ADGRL2: variants seen among roughly 807,000 people sequenced by gnomAD.
ADGRL2 encodes adhesion G protein-coupled receptor L2.
Under a neutral mutation model 157.4 loss-of-function variants are expected in ADGRL2, and 44 were observed. That is an observed-to-expected ratio of 0.28 (90% confidence interval 0.22 to 0.36). The LOEUF (loss-of-function observed/expected upper bound fraction) is 0.36. Among genes scored for constraint, ADGRL2 ranks in the 10% least tolerant of loss-of-function variants. ADGRL2 has a pLI of 1.00. For missense variants in ADGRL2, 1,510 were observed against 1,768.9 expected (o/e 0.85, Z 2.63); for synonymous variants, 585 against 624.7 (o/e 0.94, Z 0.95).
At chr1:81,423,814 C>A (rs2077166670) in intron 1 of ADGRL2, among the ~76,000 whole-genome samples, 1 of 152,192 alleles carries the variant, frequency 6.6e-6, no homozygotes, top group South Asian at 2.1e-4. Context: ...ATTCAACAAC[C>A]CATGTCATTA....
chr1:81,819,747 G>C (rs1231475406), intron 1 of ADGRL2, among the ~76,000 whole-genome samples: 1 of 151,936 alleles, frequency 6.6e-6, no homozygotes, highest in Non-Finnish European at 1.5e-5. Context: ...GAATACTTTT[G>C]TCATTATTAG....
intron 2 of ADGRL2, among the ~76,000 whole-genome samples, chr1:81,900,373 C>T (rs144470764): frequency 6.6e-6 from 1 of 152,168 alleles, no homozygotes; most frequent in Admixed American, 6.5e-5. Context: ...CCCGCAATCC[C>T]TCCATCTCTT....
chr1:81,489,209 C>T (rs112384801), intron 2 of ADGRL2, among the ~76,000 whole-genome samples: 5 of 150,130 alleles, frequency 3.3e-5, no homozygotes, highest in Middle Eastern at 3.4e-3. Context: ...TGCACTCCAG[C>T]GTGGGTGACA....
At chr1:81,750,027 C>T in intron 1 of ADGRL2, among the ~76,000 whole-genome samples, 1 of 152,142 alleles carries the variant, frequency 6.6e-6, no homozygotes, top group East Asian at 1.9e-4. Context: ...TATGTGAAGT[C>T]TAGTTAGAAT....
upstream of ADGRL2, among the ~76,000 whole-genome samples, chr1:81,696,645 G>C (rs891184523): frequency 6.6e-6 from 1 of 152,072 alleles, no homozygotes; most frequent in African/African-American, 2.4e-5. Context: ...CCAGCTACTC[G>C]GGAGGCTGAG....
At chr1:81,593,640 C>A (rs1314129081) in intron 3 of ADGRL2, among the ~76,000 whole-genome samples, 6 of 152,108 alleles carry the variant, frequency 3.9e-5, no homozygotes, top group South Asian at 2.1e-4. Flanking sequence ...TATTCCTATG[C>A]TTTGAAATAT....
At chr1:81,427,172 C>A in intron 1 of ADGRL2, 2 of 1,008,794 alleles carry the variant, frequency 2.0e-6, no homozygotes, top group Non-Finnish European at 3.2e-6. Flanking sequence ...AGGAAACTTT[C>A]GAGGTGGTGG....
chr1:81,394,626 G>C (rs1201858170), intron 1 of ADGRL2, among the ~76,000 whole-genome samples: 1 of 152,118 alleles, frequency 6.6e-6, no homozygotes, highest in African/African-American at 2.4e-5. Flanking sequence ...TGGGCACTTT[G>C]GTTGATTCCA....
chr1:81,660,967 C>T (rs950135760), intron 3 of ADGRL2, among the ~76,000 whole-genome samples: 1 of 152,128 alleles, frequency 6.6e-6, no homozygotes. Flanking sequence ...TTTCTGAAAT[C>T]GTTAGCAAAT....
At chr1:81,967,620 T>C (rs1037247992) in intron 13 of ADGRL2, among the ~76,000 whole-genome samples, 3 of 152,182 alleles carry the variant, frequency 2.0e-5, no homozygotes, top group Non-Finnish European at 2.9e-5. Flanking sequence ...TTGCTGCTAG[T>C]GTATCTCTTA....
At chr1:81,344,283 G>A (rs1662302206) in intron 1 of ADGRL2, among the ~76,000 whole-genome samples, 1 of 152,100 alleles carries the variant, frequency 6.6e-6, no homozygotes, top group Non-Finnish European at 1.5e-5. Flanking sequence ...GCCATGCTGT[G>A]AGTATTTATA....
intron 2 of ADGRL2, among the ~76,000 whole-genome samples, chr1:81,529,732 A>G (rs1261099549): frequency 6.6e-6 from 1 of 152,244 alleles, no homozygotes; most frequent in East Asian, 1.9e-4. Context: ...TTACACAAAC[A>G]GTGACTCTGA....
intron 1 of ADGRL2, among the ~76,000 whole-genome samples, chr1:81,323,839 C>T (rs567785244): frequency 6.6e-6 from 1 of 151,904 alleles, no homozygotes; most frequent in South Asian, 2.1e-4. Context: ...ATTAAGAGAC[C>T]CTTAAAGTAG....
rs549832266 is a variant in ADGRL2, at chr1:81,967,673, A to T, written c.2350-353A>T. On this transcript the variant is annotated intron_variant, in intron 13 of 23. Coordinates refer to ENST00000686636, the MANE Select transcript of ADGRL2 (RefSeq NM_001366006.2). ...GCCCAAAATAGAACATGGATTTTTA[A>T]AACATTTGGTCCGTATAGAATTTTC... is the stretch of plus-strand genomic sequence containing the variant. 2.6e-5 allele frequency among the ~76,000 whole-genome samples: 4 copies of T among 152,320 alleles called. No individual in the cohort carries two copies. The East Asian group carries it at 7.7e-4, about 29-fold the overall frequency.
chr1:81,936,649 G>GA lies in ADGRL2; in HGVS notation c.288-74dup, dbSNP rs2095314592. The stretch of plus-strand genomic sequence containing the variant: ...GTTTCTGGTTGCTTAAAGAAAATGA[G>GA]AAAAACTTCTATGTTATATTTAAGT... On this transcript the variant is annotated intron_variant, in intron 3 of 23. Coordinates refer to ENST00000686636, the MANE Select transcript of ADGRL2 (RefSeq NM_001366006.2). The GA allele has an allele frequency of 5.0e-6, 4 of 793,064 alleles. No homozygotes were observed. The African/African-American group carries it at 7.1e-5, about 14-fold the overall frequency. 49.1% of individuals were successfully genotyped at this position (793,064 alleles called of 1,614,324 possible).
intron 2 of ADGRL2, among the ~76,000 whole-genome samples, chr1:81,873,772 A>G (rs1005898082): frequency 2.6e-5 from 4 of 152,152 alleles, no homozygotes; most frequent in Admixed American, 1.3e-4. Flanking sequence ...CCCACCCTGC[A>G]TATGGAAATA....
At chr1:81,859,982 T>C (rs1170390074) in intron 2 of ADGRL2, among the ~76,000 whole-genome samples, 1 of 151,920 alleles carries the variant, frequency 6.6e-6, no homozygotes, top group African/African-American at 2.4e-5. Context: ...TTCCAGCATT[T>C]TGGAGGCCGA....
chr1:81,433,049 T>C (rs1011867814), intron 1 of ADGRL2, among the ~76,000 whole-genome samples: 2 of 152,130 alleles, frequency 1.3e-5, no homozygotes, highest in African/African-American at 4.8e-5. Flanking sequence ...CAACTTACTG[T>C]TTAATGCTAT....
At position 81,725,143 on chromosome 1, in the gene ADGRL2, T is replaced by G. The variant is rs533706910; in HGVS notation, c.-143+25335T>G. On this transcript the variant is annotated intron_variant, in intron 1 of 20. Transcript: ENST00000359929. ...TTGCTTGAACCCGGGAGGTGGAGGT[T>G]GCAGTGAGCCGAGACTGTGCCACTG... is the stretch of plus-strand genomic sequence containing the variant. 5.5e-5 allele frequency among the ~76,000 whole-genome samples: 8 copies of G among 144,634 alleles called. No homozygotes were observed. In the South Asian group the frequency reaches 1.7e-3, roughly 32 times the overall value. 94.9% of individuals were successfully genotyped at this position (144,634 alleles called of 152,430 possible). A position where few individuals can be genotyped will look rare whatever the true frequency, so the allele number is the denominator to read the frequency against.
Sources: allele counts gnomAD v4.1 joint callset (sites outside exome capture counted in the v4.1 genomes callset), GRCh38; gene constraint gnomAD v4.1.1; transcripts MANE v1.5; gene names NCBI Gene and HGNC (gene_info 2026-07-23, HGNC 2026-07-21).